RGS7: variants seen among roughly 807,000 people sequenced by gnomAD.
RGS7 encodes the protein regulator of G protein signaling 7.
A neutral mutation model predicts 81.1 loss-of-function variants in RGS7; 27 were observed. That is an observed-to-expected ratio of 0.33 (90% CI 0.25 to 0.46). The LOEUF (loss-of-function observed/expected upper bound fraction) is 0.46, where lower values mean the gene tolerates loss of function less well. Ranked by LOEUF, RGS7 falls within the 20% of genes least tolerant of loss-of-function variation. The pLI, the probability that RGS7 is intolerant of heterozygous loss-of-function variation, is 1.00. For synonymous variants in RGS7, 208 were observed against 207.7 expected, an observed-to-expected ratio of 1.00 and a Z score of -0.01; for missense variants, 396 against 607.4, an observed-to-expected ratio of 0.65 and a Z score of 3.66.
chr1:240,885,088 A>G (rs1572591801), intron 6 of RGS7, among the ~76,000 whole-genome samples: 2 of 152,344 alleles, frequency 1.3e-5, no homozygotes, highest in East Asian at 3.9e-4. Flanking sequence ...AAGTGGGCAA[A>G]GGACATGAAC....
chr1:240,958,247 A>G (rs979569271), intron 4 of RGS7, among the ~76,000 whole-genome samples: 3 of 152,186 alleles, frequency 2.0e-5, no homozygotes, highest in African/African-American at 7.2e-5. Context: ...AGCCTCATTC[A>G]TTTCTGCTGT....
At chr1:240,819,737 C>T (rs1691447606) in intron 10 of RGS7, among the ~76,000 whole-genome samples, 1 of 152,008 alleles carries the variant, frequency 6.6e-6, no homozygotes, top group Admixed American at 6.6e-5. Context: ...ACTCCATCTC[C>T]ACAAAAAAAA....
At chr1:241,355,942 G>A (rs1307205524) in intron 1 of RGS7, 116 bp from the exon 2 acceptor site, 6 of 680,816 alleles carry the variant, frequency 8.8e-6, no homozygotes, top group Non-Finnish European at 1.6e-5. Context: ...GCTGGCTGGA[G>A]AAAGTGACAC....
At position 240,989,275 on chromosome 1, in the gene RGS7, T is replaced by TA. The variant is rs879360828; in HGVS notation, c.176-6147dup. Among the ~76,000 whole-genome samples the TA allele has an allele frequency of 5.8e-3, 796 of 138,158 alleles. 7 individuals are homozygous for TA. The highest frequency in any genetic ancestry group is 0.018 in the African/African-American group (663 of 37,696). 90.6% of individuals were successfully genotyped at this position (138,158 alleles called of 152,430 possible). A position where few individuals can be genotyped will look rare whatever the true frequency, so the allele number is the denominator to read the frequency against. ...CAACATGGTGACACCCTGTCTCTACTAAAAAAAAAAAAAAATTAGCTGGGC... is the reference window on the plus strand; with the variant it reads ...CAACATGGTGACACCCTGTCTCTACTAAAAAAAAAAAAAAAATTAGCTGGGC... On this transcript the variant is annotated intron_variant, in intron 3 of 18. Transcript: ENST00000440928.
chr1:241,221,146 AAAG>A lies in RGS7; in HGVS notation c.79-122387_79-122385del, dbSNP rs2074981301. ...GAAAGAAAGAAAGAAAGAAAAGAAA[AAAG>A]AAAACAAAAGAAGGAAGGAAGGGGA... On this transcript the variant is annotated intron_variant, in intron 2 of 18. Coordinates refer to ENST00000440928, the MANE Select transcript of RGS7 (RefSeq NM_001364886.1). 2.6e-5 allele frequency among the ~76,000 whole-genome samples: 4 copies of A among 151,656 alleles called. 1 individual carries two copies. The highest frequency in any genetic ancestry group is 7.3e-5 in the African/African-American group (3 of 41,376).
intron 3 of RGS7, among the ~76,000 whole-genome samples, chr1:241,094,274 C>A (rs1346134844): frequency 6.6e-6 from 1 of 151,674 alleles, no homozygotes; most frequent in Non-Finnish European, 1.5e-5. Flanking sequence ...CACACACACA[C>A]ACAGAGTCAC....
At chr1:240,944,076 C>G (rs1678062490) in intron 4 of RGS7, among the ~76,000 whole-genome samples, 1 of 151,780 alleles carries the variant, frequency 6.6e-6, no homozygotes, top group South Asian at 2.1e-4. Context: ...GTTATGACAT[C>G]TTAGGCATTC....
intron 3 of RGS7, among the ~76,000 whole-genome samples, chr1:241,072,387 A>G (rs1054806990): frequency 6.6e-6 from 1 of 152,242 alleles, no homozygotes; most frequent in Admixed American, 6.5e-5. Context: ...CGGCTGTCGC[A>G]GGCCATTTCA....
intron 2 of RGS7, among the ~76,000 whole-genome samples, chr1:241,246,844 C>T (rs1265740225): frequency 2.0e-5 from 3 of 151,778 alleles, no homozygotes; most frequent in Non-Finnish European, 1.5e-5. Flanking sequence ...AGTAGCAGTC[C>T]AAAGGGAGCC....
At chr1:241,138,180 A>C (rs1162485255) in intron 2 of RGS7, among the ~76,000 whole-genome samples, 1 of 145,700 alleles carries the variant, frequency 6.9e-6, no homozygotes, top group African/African-American at 2.6e-5. Context: ...TCAAAAACAA[A>C]AAAAAAAAAA....
chr1:241,300,986 T>G (rs2079719520), intron 2 of RGS7, among the ~76,000 whole-genome samples: 1 of 152,238 alleles, frequency 6.6e-6, no homozygotes, highest in Admixed American at 6.5e-5. Flanking sequence ...ATTGTTAGTT[T>G]AATTTGTAAT....
chr1:240,780,439 CAAA>C (rs34568911), intron 18 of RGS7, among the ~76,000 whole-genome samples: 640 of 40,128 alleles, frequency 0.016, 6 homozygotes, highest in African/African-American at 0.043. Context: ...GACTCTGTCT[CAAA>C]AAAAAAAAAA....
intron 5 of RGS7, among the ~76,000 whole-genome samples, chr1:240,932,923 G>A (rs568550889): frequency 7.8e-4 from 84 of 107,940 alleles, no homozygotes; most frequent in Non-Finnish European, 1.0e-3. Flanking sequence ...TCGCTCTGTC[G>A]CCCAGGCTGG....
chr1:241,065,757 G>C (rs1464483736), intron 3 of RGS7, among the ~76,000 whole-genome samples: 1 of 152,188 alleles, frequency 6.6e-6, no homozygotes, highest in Non-Finnish European at 1.5e-5. Flanking sequence ...ATCCTCAAGA[G>C]GAAGAGCTAA....
chr1:241,046,274 A>G (rs2060919932), intron 3 of RGS7, among the ~76,000 whole-genome samples: 1 of 149,114 alleles, frequency 6.7e-6, no homozygotes, highest in African/African-American at 2.5e-5. Flanking sequence ...AGTAAACACA[A>G]TACCTAATGG....
At chr1:240,778,818 C>G (rs1026663511) in intron 18 of RGS7, among the ~76,000 whole-genome samples, 1 of 152,224 alleles carries the variant, frequency 6.6e-6, no homozygotes, top group African/African-American at 2.4e-5. Flanking sequence ...AGGCACAAGC[C>G]ACTGCGCCCG....
chr1:241,319,274 G>T (rs914793828), intron 2 of RGS7, among the ~76,000 whole-genome samples: 1 of 152,054 alleles, frequency 6.6e-6, no homozygotes, highest in Non-Finnish European at 1.5e-5. Flanking sequence ...ACAAAAATGT[G>T]ACTTGACTGA....
rs2068117787 is a variant in RGS7 at position 241,144,068 on chromosome 1, C to T, written c.79-45306G>A. ...TCAGCCCATGATATTTTCTTATAGC[C>T]GCCTGAGTGGACTAAGGCAGTAATG... On this transcript the variant is annotated intron_variant, in intron 2 of 18. Coordinates refer to ENST00000440928, the MANE Select transcript of RGS7 (RefSeq NM_001364886.1). The surrounding 1 kb of genome is among the most constrained non-coding windows in gnomAD (Gnocchi z 4.7). Among the ~76,000 whole-genome samples, 2 of 151,982 alleles carry T rather than the reference C, an allele frequency of 1.3e-5. No homozygotes were observed. Among genetic ancestry groups the T allele is most frequent in the South Asian group, 4.2e-4 (2 of 4,814 alleles).
Position 240,868,156 on chromosome 1 carries a change from A to G in RGS7, c.609+431T>C, listed in dbSNP as rs1015270439. ...AAAGAAAGAAAGAAAGAAAGAAAGA[A>G]AGGACGGAGGGAGGGAAGGACGAAG... On this transcript the variant is annotated intron_variant, in intron 9 of 18. Coordinates refer to ENST00000440928, the MANE Select transcript of RGS7 (RefSeq NM_001364886.1). This position sits in a 1 kb window ranked among gnomAD's most constrained non-coding sequence, Gnocchi z 5.1. 2.0e-5 allele frequency among the ~76,000 whole-genome samples: 3 copies of G among 148,408 alleles called. No individual in the cohort carries two copies. Among genetic ancestry groups the G allele is most frequent in the African/African-American group, 7.6e-5 (3 of 39,486 alleles).
Sources: allele counts gnomAD v4.1 joint callset (sites outside exome capture counted in the v4.1 genomes callset), GRCh38; gene constraint gnomAD v4.1.1; non-coding constraint Gnocchi (gnomAD v3.1); transcripts MANE v1.5; gene names NCBI Gene and HGNC (gene_info 2026-07-23, HGNC 2026-07-21).